AKAP6: variants seen among roughly 807,000 people sequenced by gnomAD.
AKAP6 encodes the protein A-kinase anchoring protein 6, also known as A-kinase anchor protein 6.
AKAP6 carries 58 observed loss-of-function variants against 188.5 expected under a neutral mutation model. The observed-to-expected ratio is 0.31, with a 90% confidence interval of 0.25 to 0.38. The LOEUF is 0.38. Ranked by LOEUF, AKAP6 falls within the 10% of genes least tolerant of loss-of-function variation. The pLI is 1.00. For synonymous variants in AKAP6, 989 were observed against 998.6 expected (o/e 0.99, Z 0.18); for missense variants, 2,710 against 2,740.0 (o/e 0.99, Z 0.24).
intron 11 of AKAP6, among the ~76,000 whole-genome samples, chr14:32,763,339 C>A (rs1246350578): frequency 6.6e-6 from 1 of 152,024 alleles, no homozygotes; most frequent in Non-Finnish European, 1.5e-5. Context: ...ATATCAATAC[C>A]TTTTCCATAA....
At chr14:32,362,564 G>A (rs1331157710) in intron 1 of AKAP6, among the ~76,000 whole-genome samples, 4 of 152,146 alleles carry the variant, frequency 2.6e-5, no homozygotes, top group African/African-American at 9.7e-5. Flanking sequence ...TAGACTAGTG[G>A]TAGTGGGGTT....
chr14:32,603,296 G>T (rs1886008039), intron 7 of AKAP6, among the ~76,000 whole-genome samples: 1 of 152,142 alleles, frequency 6.6e-6, no homozygotes, highest in African/African-American at 2.4e-5. Flanking sequence ...TAGGGTGGGA[G>T]TATGCCGAAG....
At chr14:32,493,585 A>G (rs1050008454) in intron 2 of AKAP6, among the ~76,000 whole-genome samples, 1 of 152,144 alleles carries the variant, frequency 6.6e-6, no homozygotes, top group Non-Finnish European at 1.5e-5. Flanking sequence ...ATTGAGTTTT[A>G]TAATGTATTT....
intron 4 of AKAP6, among the ~76,000 whole-genome samples, chr14:32,575,325 T>C (rs1455101296): frequency 1.3e-5 from 2 of 152,070 alleles, no homozygotes; most frequent in Admixed American, 6.6e-5. Context: ...AAAAAAAGGC[T>C]GAGTTTGGTA....
chr14:32,759,140 C>T (rs891164955), intron 11 of AKAP6, among the ~76,000 whole-genome samples: 1 of 152,218 alleles, frequency 6.6e-6, no homozygotes, highest in Non-Finnish European at 1.5e-5. Context: ...TTTACTGGTG[C>T]TCTAAATGGC....
At chr14:32,578,237 G>T (rs1043932885) in intron 5 of AKAP6, among the ~76,000 whole-genome samples, 18 of 152,102 alleles carry the variant, frequency 1.2e-4, no homozygotes, top group Middle Eastern at 3.2e-3. Flanking sequence ...AGAAAAGAGG[G>T]GAAAGAGATA....
At chr14:32,354,762 T>G (rs1344002518) in intron 1 of AKAP6, among the ~76,000 whole-genome samples, 1 of 152,228 alleles carries the variant, frequency 6.6e-6, no homozygotes, top group Non-Finnish European at 1.5e-5. Context: ...AATCCAGATT[T>G]CATGCCCCCT....
chr14:32,663,017 C>T (rs1347323344), intron 7 of AKAP6, among the ~76,000 whole-genome samples: 1 of 152,042 alleles, frequency 6.6e-6, no homozygotes, highest in Non-Finnish European at 1.5e-5. Context: ...GTAATTGTCA[C>T]CCTCAATGGC....
chr14:32,732,767 C>G, intron 10 of AKAP6, 167 bp downstream of exon 10: 1 of 779,356 alleles, frequency 1.3e-6, no homozygotes, highest in Admixed American at 3.0e-5. Context: ...TGCTTTTCCT[C>G]TTCTGTTGAT....
At chr14:32,371,482 C>T (rs1294130094) in intron 1 of AKAP6, among the ~76,000 whole-genome samples, 1 of 152,174 alleles carries the variant, frequency 6.6e-6, no homozygotes, top group Non-Finnish European at 1.5e-5. Flanking sequence ...GGGTGCTCAT[C>T]CGTAGTCCTA....
In AKAP6 at chr14:32,632,385, A is replaced by G. The variant is rs74319394; in HGVS notation, c.2730+31593A>G. On this transcript the variant is annotated intron_variant, in intron 7 of 13. Transcript: ENST00000280979. ...TATTTAATGCCTACCATACATCCTA[A>G]TATGTTGTCTTCCCTAGACTTTCAA... Among the ~76,000 whole-genome samples, 739 of 152,158 alleles carry G rather than the reference A, an allele frequency of 4.9e-3. 4 individuals carry two copies. The highest frequency in any genetic ancestry group is 0.017 in the African/African-American group (686 of 41,558).
At chr14:32,602,568 G>A (rs983081454) in intron 7 of AKAP6, among the ~76,000 whole-genome samples, 1 of 152,130 alleles carries the variant, frequency 6.6e-6, no homozygotes, top group Non-Finnish European at 1.5e-5. Flanking sequence ...TACTCAGGAG[G>A]CTGAGTTGGG....
chr14:32,515,932 GAACA>G (rs746050977), intron 2 of AKAP6, among the ~76,000 whole-genome samples: 1 of 152,094 alleles, frequency 6.6e-6, no homozygotes, highest in Non-Finnish European at 1.5e-5. Flanking sequence ...ATACACCACT[GAACA>G]AACAAAGCAA....
intron 8 of AKAP6, among the ~76,000 whole-genome samples, chr14:32,695,400 A>G (rs1890362055): frequency 1.3e-5 from 2 of 152,242 alleles, no homozygotes; most frequent in African/African-American, 4.8e-5. Flanking sequence ...AGAGGGACAG[A>G]TAAATGATTG....
chr14:32,578,795 G>C (rs553010982), intron 5 of AKAP6, among the ~76,000 whole-genome samples: 1 of 152,156 alleles, frequency 6.6e-6, no homozygotes, highest in Non-Finnish European at 1.5e-5. Flanking sequence ...TGAAAGCCGG[G>C]CTAGGAGAGT....
rs17099218 is a variant in AKAP6 at position 32,515,800 on chromosome 14, G to C, written c.325-19754G>C. On this transcript the variant is annotated intron_variant, in intron 2 of 13. Transcript: ENST00000280979. ...TTCATGGTTTGTGAATTCAATATCG[G>C]TAACATCAGTATGTATTAAGACTTC... Among the ~76,000 whole-genome samples the C allele has an allele frequency of 7.5e-3, 1,135 of 152,206 alleles. 11 individuals carry two copies. Among genetic ancestry groups the C allele is most frequent in the African/African-American group, 0.026 (1,078 of 41,530 alleles).
chr14:32,678,317 G>T lies in AKAP6; in HGVS notation c.2737G>T (p.Val913Phe), dbSNP rs760677755. The change falls in exon 8 of 14, where the codon GTT becomes TTT. Residue 913 changes from valine (V) to phenylalanine (F), a missense_variant. This residue lies in a region of AKAP6 where 2,473 missense variants were observed against 2,426.1 expected (regional missense o/e 1.02). Coordinates refer to ENST00000280979, the MANE Select transcript of AKAP6 (RefSeq NM_004274.5). The stretch of plus-strand genomic sequence containing the variant: ...TCTTTGTTTCTCTTTCCAGGCTGAG[G>T]TTCAACTATGCTACCTGGAAGCACA... ...EEGTGSPKAE[V>F]QLCYLEAQRD... 3.5e-5 allele frequency: 56 copies of T among 1,607,708 alleles called. 1 individual carries two copies. The Admixed American group carries it at 9.2e-4, about 26-fold the overall frequency.
rs558239881 is a variant in AKAP6, at chr14:32,706,440, A to G, written c.3000+10330A>G. Among the ~76,000 whole-genome samples, 4 of 152,152 alleles carry G rather than the reference A, an allele frequency of 2.6e-5. No individual in the cohort carries two copies. In the East Asian group the frequency reaches 7.7e-4, roughly 29 times the overall value. ...TTTGTTAGATTCAGGAAAGCTAAGG[A>G]TGAAAACATTTATGCTTTTTGGGAG... On this transcript the variant is annotated intron_variant, in intron 9 of 13. Coordinates refer to ENST00000280979, the MANE Select transcript of AKAP6 (RefSeq NM_004274.5).
intron 2 of AKAP6, among the ~76,000 whole-genome samples, chr14:32,436,582 C>CT (rs1290717705): frequency 2.0e-5 from 3 of 152,186 alleles, no homozygotes; most frequent in African/African-American, 7.2e-5. Context: ...TCTAACTAAT[C>CT]TTGCTGCTTC....
Sources: gnomAD v4.1 joint callset for allele counts (sites outside exome capture counted in the v4.1 genomes callset) on GRCh38, gnomAD v4.1.1 for gene constraint, gnomAD v4.1.1 regional missense constraint, MANE v1.5 for transcripts, NCBI Gene and HGNC (gene_info 2026-07-23, HGNC 2026-07-21) for gene names.